Variants in CNTD1 observed in about 807,000 individuals in gnomAD.
CNTD1 encodes cyclin N-terminal domain-containing protein 1.
CNTD1 carries 17 observed loss-of-function variants against 36.3 expected under a neutral mutation model. The observed-to-expected ratio is 0.47, with a 90% CI of 0.32 to 0.70. The LOEUF (loss-of-function observed/expected upper bound fraction) is 0.70, where lower values mean the gene tolerates loss of function less well. Among genes scored for constraint, CNTD1 ranks in the 30% least tolerant of loss-of-function variants. CNTD1 has a pLI of 0.03. For missense variants in CNTD1, 338 were observed against 386.1 expected, an observed-to-expected ratio of 0.88 and a Z score of 1.04; for synonymous variants, 128 against 153.3, an observed-to-expected ratio of 0.83 and a Z score of 1.22.
At position 42,810,632 on chromosome 17, in the gene CNTD1, G is replaced by A. The variant is rs535462007; in HGVS notation, c.*1097G>A. 3.9e-4 allele frequency: 389 copies of A among 994,172 alleles called. No homozygotes were observed. The highest frequency in any genetic ancestry group is 5.1e-4 in the Non-Finnish European group (363 of 711,896). 61.6% of individuals were successfully genotyped at this position (994,172 alleles called of 1,614,324 possible). On this transcript the variant is annotated 3_prime_UTR_variant, in exon 7 of 7. Coordinates refer to ENST00000588408, the MANE Select transcript of CNTD1 (RefSeq NM_173478.3). Reference sequence around the variant, plus strand: ...GATATTTTAAAATAAAGTGGCTTTTGTGGATTTTTTCTTTTTTGGTATTGT... The same window carrying A: ...GATATTTTAAAATAAAGTGGCTTTTATGGATTTTTTCTTTTTTGGTATTGT...
intron 1 of CNTD1, among the ~76,000 whole-genome samples, chr17:42,800,524 G>A (rs2054762128): frequency 6.6e-6 from 1 of 152,188 alleles, no homozygotes; most frequent in African/African-American, 2.4e-5. Context: ...ATGCCAAGGG[G>A]AAGAGTTTAT....
At position 42,809,608 on chromosome 17, in the gene CNTD1, C is replaced by T. The variant is rs185232919; in HGVS notation, c.*73C>T. 4.0e-5 allele frequency: 55 copies of T among 1,365,548 alleles called. No homozygotes were observed. The East Asian group carries it at 1.0e-3, about 25-fold the overall frequency. 84.6% of individuals were successfully genotyped at this position (1,365,548 alleles called of 1,614,324 possible). A position where few individuals can be genotyped will look rare whatever the true frequency, so the allele number is the denominator to read the frequency against. On this transcript the variant is annotated 3_prime_UTR_variant, in exon 7 of 7. Transcript: ENST00000588408. ...ATGCCTCCCTCTGTTTACTTTCATA[C>T]TAAGGGTACAAAAATTCCAAGTCTC...
chr17:42,805,456 TAAGAG>T (rs369723118), intron 3 of CNTD1: 466 of 271,690 alleles, frequency 1.7e-3, no homozygotes, highest in African/African-American at 9.1e-3. Flanking sequence ...GGGAGGATCC[TAAGAG>T]AAGAGGGAGA....
chr17:42,804,777 C>T (rs750971884), intron 3 of CNTD1, among the ~76,000 whole-genome samples: 2 of 152,110 alleles, frequency 1.3e-5, no homozygotes, highest in Non-Finnish European at 2.9e-5. Context: ...CATTGTACTC[C>T]AGCCTGGGCG....
In CNTD1 at chr17:42,807,848, A is replaced by G; in HGVS notation, c.806A>G (p.His269Arg). 2 of 1,612,884 alleles carry G rather than the reference A, an allele frequency of 1.2e-6. No homozygotes were observed. Among genetic ancestry groups the G allele is most frequent in the Non-Finnish European group, 1.7e-6 (2 of 1,178,782 alleles). The change falls in exon 6 of 7, where the codon CAT becomes CGT. Residue 269 changes from histidine to arginine, a missense_variant. Physicochemically the swap from His to Arg is conservative, Grantham distance 29. Coordinates refer to ENST00000588408, the MANE Select transcript of CNTD1 (RefSeq NM_173478.3). ...GCAGCAAGTGCTTTCATCCAAAACC[A>G]TGAGTGTTGGAGCCAGGTATGCACC... Reference protein sequence around the residue: ...IIAASAFIQNHECWSQVVGHL... With the variant: ...IIAASAFIQNRECWSQVVGHL...
intron 1 of CNTD1, 66 bp from the exon 2 acceptor site, chr17:42,803,554 C>T: frequency 7.8e-7 from 1 of 1,285,192 alleles, no homozygotes; most frequent in East Asian, 2.3e-5. Context: ...TTACACAATG[C>T]CAAGAGTTCA....
Position 42,811,527 on chromosome 17 carries a change from G to A in CNTD1, c.*1992G>A, listed in dbSNP as rs975670004. 4.1e-6 allele frequency: 5 copies of A among 1,232,748 alleles called. No individual in the cohort carries two copies. Among genetic ancestry groups the A allele is most frequent in the Admixed American group, 4.5e-5 (2 of 44,718 alleles). The allele number at this position is 1,232,748 out of a possible 1,614,324, so 76.4% of individuals were successfully genotyped here. On this transcript the variant is annotated 3_prime_UTR_variant, in exon 7 of 7. Coordinates refer to ENST00000588408, the MANE Select transcript of CNTD1 (RefSeq NM_173478.3). ...ACTGGGTCAGTCTCTGCCCATCAAT[G>A]TCATGTGATTCTGTGCCATTTTTTT...
chr17:42,801,447 G>GAT (rs1174353179), intron 1 of CNTD1, among the ~76,000 whole-genome samples: 1 of 133,094 alleles, frequency 7.5e-6, no homozygotes, highest in East Asian at 2.2e-4. Flanking sequence ...AGTGAGCCAA[G>GAT]ATCACGCCAT....
chr17:42,807,533 T>C (rs993212572), intron 5 of CNTD1, among the ~76,000 whole-genome samples: 3 of 149,174 alleles, frequency 2.0e-5, no homozygotes, highest in Non-Finnish European at 4.4e-5. Flanking sequence ...GGGAAACAGA[T>C]AGAACTAAAA....
chr17:42,807,429 G>GA (rs896358538), intron 5 of CNTD1, among the ~76,000 whole-genome samples: 226 of 144,076 alleles, frequency 1.6e-3, no homozygotes, highest in Non-Finnish European at 2.3e-3. Flanking sequence ...AAAGAAAAAA[G>GA]AAAAAAAAAA....
At chr17:42,804,475 C>A in intron 3 of CNTD1, 79 bp downstream of exon 3, 2 of 1,186,474 alleles carry the variant, frequency 1.7e-6, no homozygotes, top group Non-Finnish European at 2.4e-6. Context: ...CTGTGATGAG[C>A]TTCAAGTCAG....
intron 2 of CNTD1, 71 bp downstream of exon 2, chr17:42,803,766 A>G: frequency 8.6e-7 from 1 of 1,162,752 alleles, no homozygotes; most frequent in Non-Finnish European, 1.3e-6. Context: ...TCTTTAAGAA[A>G]GTATGAGTAG....
chr17:42,801,207 C>CAAAA (rs58545080), intron 1 of CNTD1, among the ~76,000 whole-genome samples: 1 of 140,070 alleles, frequency 7.1e-6, no homozygotes, highest in East Asian at 2.1e-4. Flanking sequence ...AAAACAACAA[C>CAAAA]AAAAAAAAAC....
chr17:42,811,546 T>C lies in CNTD1; in HGVS notation c.*2011T>C, dbSNP rs1456264201. The C allele has an allele frequency of 7.0e-7, 1 of 1,419,300 alleles. No homozygotes were observed. Among genetic ancestry groups the C allele is most frequent in the East Asian group, 2.3e-5 (1 of 42,880 alleles). 87.9% of individuals were successfully genotyped at this position (1,419,300 alleles called of 1,614,324 possible). A position where few individuals can be genotyped will look rare whatever the true frequency, so the allele number is the denominator to read the frequency against. On this transcript the variant is annotated 3_prime_UTR_variant, in exon 7 of 7. Transcript: ENST00000588408. ...ATCAATGTCATGTGATTCTGTGCCA[T>C]TTTTTTGCTTTCCCACCATTTATAC...
chr17:42,801,090 C>A (rs143637156), intron 1 of CNTD1, among the ~76,000 whole-genome samples: 3,900 of 150,420 alleles, frequency 0.026, 63 homozygotes, highest in Middle Eastern at 0.066. Context: ...GAGGCCGAGG[C>A]AGGGGAATGG....
chr17:42,801,186 C>CA (rs1185539964), intron 1 of CNTD1, among the ~76,000 whole-genome samples: 1,839 of 73,902 alleles, frequency 0.025, 12 homozygotes, highest in Middle Eastern at 0.032. Flanking sequence ...CTCTGTCTCC[C>CA]AAAAAAAAAA....
In CNTD1 at chr17:42,799,189, G is replaced by A. The variant is rs774031094; in HGVS notation, c.122G>A (p.Arg41Lys). The change falls in exon 1 of 7, where the codon AGG (arginine) becomes AAG (lysine). Residue 41 changes from arginine (R) to lysine (K), a missense_variant. Coordinates refer to ENST00000588408, the MANE Select transcript of CNTD1 (RefSeq NM_173478.3). ...HLAQQNEQAV[R>K]EASGRLGRFR... ...GCCCAGCAGAATGAGCAAGCAGTGA[G>A]GGAGGCTTCGGGGCGGCTGGGCCGC... 1 of 1,614,136 alleles carries A rather than the reference G, an allele frequency of 6.2e-7. No homozygotes were observed. Among genetic ancestry groups the A allele is most frequent in the South Asian group, 1.1e-5 (1 of 91,072 alleles).
Position 42,810,859 on chromosome 17 carries a change from C to T in CNTD1, c.*1324C>T. 6.2e-7 allele frequency: 1 copy of T among 1,613,662 alleles called. No homozygotes were observed. The highest frequency in any genetic ancestry group is 8.5e-7 in the Non-Finnish European group (1 of 1,179,824). The stretch of plus-strand genomic sequence containing the variant: ...TTGTCCACTGCTCCTCAGAGTTAAA[C>T]TGGGTTTTGATGGAATAGGAGCCGC... On this transcript the variant is annotated 3_prime_UTR_variant, in exon 7 of 7. Transcript: ENST00000588408.
At position 42,803,643 on chromosome 17, in the gene CNTD1, C is replaced by A. The variant is rs930278860; in HGVS notation, c.193C>A (p.Gln65Lys). Reference protein sequence around the residue: ...IVEFVFLLSEQWCLEKSVSYQ... With the variant: ...IVEFVFLLSEKWCLEKSVSYQ... ...AGAGTTTGTTTTTCTCCTGTCTGAA[C>A]AATGGTGTCTGGAGAAATCTGTGAG... is the stretch of plus-strand genomic sequence containing the variant. Residue 65 changes from glutamine (Q) to lysine (K), a missense_variant, in exon 2 of 7, where the codon CAA becomes AAA. By Grantham distance (53) the Gln-to-Lys change is moderately conservative. Transcript: ENST00000588408. 7 of 1,613,812 alleles carry A rather than the reference C, an allele frequency of 4.3e-6. No individual in the cohort carries two copies. The African/African-American group carries it at 8.0e-5, about 18-fold the overall frequency.
Sources: gnomAD v4.1 joint callset for allele counts (sites outside exome capture counted in the v4.1 genomes callset) on GRCh38, gnomAD v4.1.1 for gene constraint, MANE v1.5 for transcripts, NCBI Gene and HGNC (gene_info 2026-07-23, HGNC 2026-07-21) for gene names.